The following DCC variants were observed in gnomAD, a reference collection of about 807,000 sequenced individuals.
DCC encodes the protein DCC netrin 1 receptor, also known as netrin receptor DCC.
A neutral mutation model predicts 172.5 loss-of-function variants in DCC; 58 were observed. That is an observed-to-expected ratio of 0.34 (90% CI 0.27 to 0.42). DCC has a LOEUF of 0.42. Among genes scored for constraint, DCC ranks in the 10% least tolerant of loss-of-function variants. The pLI is 1.00. For synonymous variants in DCC, 709 were observed against 644.5 expected, an observed-to-expected ratio of 1.10 and a Z score of -1.52; for missense variants, 1,740 against 1,791.0, an observed-to-expected ratio of 0.97 and a Z score of 0.51.
rs2033386554 is a variant in DCC at position 52,575,467 on chromosome 18, G to T, written c.92-176587G>T. 2.0e-5 allele frequency among the ~76,000 whole-genome samples: 3 copies of T among 152,182 alleles called. No individual in the cohort carries two copies. The South Asian group carries it at 6.2e-4, about 32-fold the overall frequency. On this transcript the variant is annotated intron_variant, in intron 1 of 28. Transcript: ENST00000442544. Reference sequence around the variant, plus strand: ...TTCTGGAAATAAAATGTTCTATTTTGTACCCAATCCTAATGTGTTAGTGTA... The same window carrying T: ...TTCTGGAAATAAAATGTTCTATTTTTTACCCAATCCTAATGTGTTAGTGTA...
At chr18:52,436,329 G>T (rs1384323829) in intron 1 of DCC, among the ~76,000 whole-genome samples, 1 of 152,192 alleles carries the variant, frequency 6.6e-6, no homozygotes, top group Non-Finnish European at 1.5e-5. Flanking sequence ...TGCATTTTGA[G>T]ACAGACATTA....
At chr18:53,099,950 TTTTTTTTTTTG>T (rs1341535405) in intron 7 of DCC, among the ~76,000 whole-genome samples, 3 of 128,764 alleles carry the variant, frequency 2.3e-5, no homozygotes, top group Admixed American at 7.3e-5. Flanking sequence ...TTTCTTTTTT[TTTTTTTTTTTG>T]TTTGAGACAG....
At chr18:53,256,493 T>C (rs377505951) in intron 12 of DCC, among the ~76,000 whole-genome samples, 1 of 152,156 alleles carries the variant, frequency 6.6e-6, no homozygotes, top group South Asian at 2.1e-4. Flanking sequence ...TTCTTGTTTT[T>C]GTCAGGTTTG....
At chr18:52,760,025 C>T (rs189502463) in intron 2 of DCC, among the ~76,000 whole-genome samples, 27 of 152,258 alleles carry the variant, frequency 1.8e-4, no homozygotes, top group African/African-American at 6.0e-4. Context: ...ATTGTCTGCA[C>T]CTCTGTATGA....
intron 15 of DCC, among the ~76,000 whole-genome samples, chr18:53,384,848 T>A (rs1379531936): frequency 6.6e-6 from 1 of 151,326 alleles, no homozygotes; most frequent in African/African-American, 2.4e-5. Context: ...ACCTCAATAA[T>A]TTTTTTTTCT....
intron 1 of DCC, among the ~76,000 whole-genome samples, chr18:52,482,361 G>A (rs958219171): frequency 1.3e-5 from 2 of 152,224 alleles, no homozygotes; most frequent in South Asian, 4.1e-4. Flanking sequence ...AACATTAGTT[G>A]TCACCAGGAA....
chr18:52,980,918 T>C (rs1337730922), intron 5 of DCC, among the ~76,000 whole-genome samples: 3 of 150,170 alleles, frequency 2.0e-5, no homozygotes, highest in Non-Finnish European at 4.4e-5. Flanking sequence ...AACCTTCTAA[T>C]TGTTTCAGAA....
chr18:52,937,537 G>A (rs540716216), intron 5 of DCC, among the ~76,000 whole-genome samples: 1 of 152,094 alleles, frequency 6.6e-6, no homozygotes, highest in Non-Finnish European at 1.5e-5. Context: ...GGTGAGACAA[G>A]GTCTCTCTGT....
At chr18:53,034,653 G>C (rs1203566110) in intron 5 of DCC, among the ~76,000 whole-genome samples, 1 of 151,560 alleles carries the variant, frequency 6.6e-6, no homozygotes, top group African/African-American at 2.4e-5. Flanking sequence ...CAAGCAACCA[G>C]AGTGATCCTG....
At chr18:52,459,906 T>A (rs1295575783) in intron 1 of DCC, among the ~76,000 whole-genome samples, 1 of 135,456 alleles carries the variant, frequency 7.4e-6, no homozygotes, top group African/African-American at 2.8e-5. Flanking sequence ...TATACACACA[T>A]ATATATACAC....
intron 2 of DCC, among the ~76,000 whole-genome samples, chr18:52,865,940 C>T (rs889708036): frequency 2.7e-4 from 3 of 10,972 alleles, no homozygotes; most frequent in South Asian, 0.036. Context: ...GTTGCCATTG[C>T]TTTTGGTGGT....
At chr18:52,818,426 A>AC (rs1236277766) in intron 2 of DCC, among the ~76,000 whole-genome samples, 1 of 151,228 alleles carries the variant, frequency 6.6e-6, no homozygotes, top group Non-Finnish European at 1.5e-5. Context: ...AGTAAAAAAA[A>AC]AAAAAAAAAA....
chr18:52,862,695 T>A (rs1311564375), intron 2 of DCC, among the ~76,000 whole-genome samples: 1 of 151,762 alleles, frequency 6.6e-6, no homozygotes, highest in East Asian at 1.9e-4. Flanking sequence ...AAGACTGTTG[T>A]CTCCAAAAAA....
intron 7 of DCC, among the ~76,000 whole-genome samples, chr18:53,080,029 C>G (rs2042777827): frequency 6.6e-6 from 1 of 151,942 alleles, no homozygotes; most frequent in Non-Finnish European, 1.5e-5. Flanking sequence ...TTAAAGATAA[C>G]TTTGGAAGCT....
chr18:53,446,114 A>C (rs566906374), intron 22 of DCC, among the ~76,000 whole-genome samples: 23 of 136,614 alleles, frequency 1.7e-4, no homozygotes, highest in African/African-American at 6.0e-4. Context: ...AAAAAAAAAA[A>C]CAAAAAAAAA....
At chr18:52,803,036 A>G (rs2038023358) in intron 2 of DCC, among the ~76,000 whole-genome samples, 1 of 152,166 alleles carries the variant, frequency 6.6e-6, no homozygotes, top group African/African-American at 2.4e-5. Flanking sequence ...CAAGATGAAT[A>G]ATCTGTCTGA....
intron 1 of DCC, among the ~76,000 whole-genome samples, chr18:52,706,982 C>T (rs2036222193): frequency 6.6e-6 from 1 of 152,064 alleles, no homozygotes; most frequent in African/African-American, 2.4e-5. Context: ...AGAAATGATG[C>T]AGAGGGATGG....
rs1182272991 is a variant in DCC at position 53,282,503 on chromosome 18, A to G, written c.1912-23075A>G. ...ATAATTCATACGCAAAGAACCAATC[A>G]CAACTTTGCCTTAATGTCCTCATTT... On this transcript the variant is annotated intron_variant, in intron 12 of 28. Coordinates refer to ENST00000442544, the MANE Select transcript of DCC (RefSeq NM_005215.4). 2.0e-5 allele frequency among the ~76,000 whole-genome samples: 3 copies of G among 152,186 alleles called. No individual in the cohort carries two copies. The South Asian group carries it at 6.2e-4, about 32-fold the overall frequency.
At chr18:53,437,311 T>G (rs1371845426) in intron 22 of DCC, among the ~76,000 whole-genome samples, 1 of 152,130 alleles carries the variant, frequency 6.6e-6, no homozygotes, top group Non-Finnish European at 1.5e-5. Flanking sequence ...CTGGGTGTGG[T>G]GGCTCACGCC....
Sources: gnomAD v4.1 joint callset for allele counts (sites outside exome capture counted in the v4.1 genomes callset) on GRCh38, gnomAD v4.1.1 for gene constraint, MANE v1.5 for transcripts, NCBI Gene and HGNC (gene_info 2026-07-23, HGNC 2026-07-21) for gene names.